Variants in FMN1 observed in about 807,000 individuals in gnomAD.
FMN1 encodes the protein formin 1, also known as formin-1.
FMN1 carries 110 observed loss-of-function variants against 132.4 expected under a neutral mutation model. The observed-to-expected ratio is 0.83, with a 90% confidence interval of 0.71 to 0.97. FMN1 has a LOEUF of 0.97. Ranked by LOEUF, FMN1 falls within the 50% of genes least tolerant of loss-of-function variation. The pLI, the probability that FMN1 is intolerant of heterozygous loss-of-function variation, is 0.00. For synonymous variants in FMN1, 722 were observed against 651.7 expected (o/e 1.11, Z -1.64); for missense variants, 1,792 against 1,705.3 (o/e 1.05, Z -0.90).
At chr15:33,014,953 T>A (rs1250572787) in intron 6 of FMN1, among the ~76,000 whole-genome samples, 2 of 152,194 alleles carry the variant, frequency 1.3e-5, no homozygotes, top group East Asian at 1.9e-4. Context: ...CAGGAATAGT[T>A]CTAAGCACTT....
At chr15:33,058,036 C>CG (rs113942294) in intron 6 of FMN1, among the ~76,000 whole-genome samples, 7,608 of 146,720 alleles carry the variant, frequency 0.052, 708 homozygotes, top group African/African-American at 0.18. Context: ...AAAGGCGTGG[C>CG]GGGCTGGTGG....
intron 20 of FMN1, among the ~76,000 whole-genome samples, chr15:32,775,664 A>G (rs555317976): frequency 1.4e-4 from 22 of 152,322 alleles, no homozygotes; most frequent in African/African-American, 4.6e-4. Flanking sequence ...CCCCGACCAA[A>G]AAGTATAGCC....
chr15:32,850,650 T>C (rs1253281665), intron 17 of FMN1, among the ~76,000 whole-genome samples: 2 of 152,218 alleles, frequency 1.3e-5, no homozygotes, highest in African/African-American at 4.8e-5. Context: ...CTATATGATG[T>C]TGGGACAAGT....
chr15:33,141,265 G>A (rs1409050659), intron 4 of FMN1, among the ~76,000 whole-genome samples: 1 of 152,040 alleles, frequency 6.6e-6, no homozygotes, highest in Non-Finnish European at 1.5e-5. Context: ...TCTAAAAGCT[G>A]TTAAGTTTTC....
intron 17 of FMN1, among the ~76,000 whole-genome samples, chr15:32,848,016 G>T (rs947326170): frequency 6.6e-6 from 1 of 152,108 alleles, no homozygotes; most frequent in Non-Finnish European, 1.5e-5. Flanking sequence ...TAATCTGAGA[G>T]AAGATCTTTA....
At chr15:33,104,422 T>C (rs564314858) in intron 4 of FMN1, among the ~76,000 whole-genome samples, 2 of 152,266 alleles carry the variant, frequency 1.3e-5, no homozygotes, top group African/African-American at 4.8e-5. Flanking sequence ...CACCAAATAA[T>C]TTATTTTCTT....
At chr15:33,184,381 G>T (rs1965805749) in intron 2 of FMN1, among the ~76,000 whole-genome samples, 1 of 151,964 alleles carries the variant, frequency 6.6e-6, no homozygotes, top group Admixed American at 6.6e-5. Flanking sequence ...CTTCCTGGTA[G>T]GAATATAGAT....
At chr15:33,190,984 C>A (rs1325496755) in intron 2 of FMN1, among the ~76,000 whole-genome samples, 3 of 152,164 alleles carry the variant, frequency 2.0e-5, no homozygotes, top group Non-Finnish European at 4.4e-5. Flanking sequence ...TCCTGGCTAA[C>A]ACGGTGAAAC....
At chr15:33,084,224 C>T (rs1431789854) in intron 5 of FMN1, among the ~76,000 whole-genome samples, 1 of 152,196 alleles carries the variant, frequency 6.6e-6, no homozygotes. Context: ...GGACTTGCCC[C>T]AAATTCTCTC....
chr15:32,832,202 A>G (rs529707871), intron 17 of FMN1, among the ~76,000 whole-genome samples: 81 of 152,348 alleles, frequency 5.3e-4, no homozygotes, highest in Non-Finnish European at 9.7e-4. Flanking sequence ...TTATGCAAAT[A>G]ATGGTAGCAG....
chr15:32,970,911 C>T (rs928371957), intron 7 of FMN1: 3 of 152,166 alleles, frequency 2.0e-5, no homozygotes, highest in Non-Finnish European at 2.9e-5. Context: ...CGAAGTTTTT[C>T]GAAGGCTCAT....
intron 2 of FMN1, among the ~76,000 whole-genome samples, chr15:33,189,054 G>T (rs1285753990): frequency 6.6e-6 from 1 of 152,148 alleles, no homozygotes; most frequent in African/African-American, 2.4e-5. Context: ...TGGAGTTTCA[G>T]TTCTTCAAAT....
chr15:33,088,559 A>AGAAC (rs2038788792), intron 5 of FMN1, among the ~76,000 whole-genome samples: 1 of 152,248 alleles, frequency 6.6e-6, no homozygotes, highest in Non-Finnish European at 1.5e-5. Context: ...GAGCGCTCTG[A>AGAAC]GAACACTCAG....
intron 17 of FMN1, among the ~76,000 whole-genome samples, chr15:32,842,321 G>A (rs971786886): frequency 2.0e-5 from 3 of 152,104 alleles, no homozygotes; most frequent in African/African-American, 4.8e-5. Flanking sequence ...CACCCGAGCC[G>A]AGGCTCTGCA....
At chr15:33,151,976 A>G (rs1160123123) in intron 4 of FMN1, among the ~76,000 whole-genome samples, 2 of 152,246 alleles carry the variant, frequency 1.3e-5, no homozygotes, top group East Asian at 3.8e-4. Context: ...CAAGTTCAAA[A>G]TGACCAAAAA....
intron 2 of FMN1, among the ~76,000 whole-genome samples, chr15:33,187,643 T>C (rs2140355600): frequency 6.6e-6 from 1 of 152,288 alleles, no homozygotes; most frequent in Non-Finnish European, 1.5e-5. Context: ...GAGAGCAGAA[T>C]TACTGGGTGC....
intron 6 of FMN1, among the ~76,000 whole-genome samples, chr15:33,057,886 G>A (rs190331444): frequency 9.9e-4 from 149 of 150,198 alleles, no homozygotes; most frequent in African/African-American, 3.5e-3. Context: ...ATGGAGAGGG[G>A]ATCTGAAAGA....
chr15:33,042,994 G>A (rs149794831), intron 6 of FMN1, among the ~76,000 whole-genome samples: 2,386 of 152,080 alleles, frequency 0.016, 50 homozygotes, highest in South Asian at 0.088. Context: ...AAACATATGC[G>A]TGTATATTTA....
At chr15:32,950,167 T>C (rs971820992) in intron 9 of FMN1, among the ~76,000 whole-genome samples, 3 of 147,382 alleles carry the variant, frequency 2.0e-5, no homozygotes, top group African/African-American at 7.5e-5. Context: ...AGAATGGCTA[T>C]TATTAAAAAG....
Sources: gnomAD v4.1 joint callset for allele counts (sites outside exome capture counted in the v4.1 genomes callset) on GRCh38, gnomAD v4.1.1 for gene constraint, MANE v1.5 for transcripts, NCBI Gene and HGNC (gene_info 2026-07-23, HGNC 2026-07-21) for gene names.